Variants in LMBRD1 observed in about 807,000 individuals in gnomAD.
The protein encoded by LMBRD1 is lysosomal cobalamin transport escort protein LMBD1.
A neutral mutation model predicts 74.8 loss-of-function variants in LMBRD1; 64 were observed. The ratio of observed to expected loss-of-function variants is 0.86; its 90% CI spans 0.70 to 1.05. The LOEUF (loss-of-function observed/expected upper bound fraction) is 1.05, where lower values mean the gene tolerates loss of function less well. Among genes scored for constraint, LMBRD1 ranks in the 50% least tolerant of loss-of-function variants. LMBRD1 has a pLI of 0.00. For synonymous variants in LMBRD1, 204 were observed against 216.3 expected (o/e 0.94, Z 0.50); for missense variants, 652 against 645.9 (o/e 1.01, Z -0.10).
At chr6:69,780,877 A>G (rs1241532646) in intron 2 of LMBRD1, among the ~76,000 whole-genome samples, 3 of 152,196 alleles carry the variant, frequency 2.0e-5, no homozygotes, top group African/African-American at 7.2e-5. Context: ...GTAGGAAGGA[A>G]AGAGGGAGTA....
In LMBRD1 at chr6:69,697,325, T is replaced by C. The variant is rs1318923761; in HGVS notation, c.1417+238A>G. 2.6e-5 allele frequency among the ~76,000 whole-genome samples: 4 copies of C among 151,936 alleles called. No individual in the cohort carries two copies. In the East Asian group the frequency reaches 7.7e-4, roughly 29 times the overall value. The stretch of plus-strand genomic sequence containing the variant: ...AGTGATTTCTTATTATACTAGTAAA[T>C]GTGATAAATAAATAAAATAAATAAA... On this transcript the variant is annotated intron_variant, in intron 14 of 15. Coordinates refer to ENST00000649934, the MANE Select transcript of LMBRD1 (RefSeq NM_018368.4).
intron 2 of LMBRD1, among the ~76,000 whole-genome samples, chr6:69,782,033 T>G (rs1195594135): frequency 6.6e-6 from 1 of 152,226 alleles, no homozygotes; most frequent in Non-Finnish European, 1.5e-5. Context: ...TTCACCTACC[T>G]ATTGGCAAAA....
chr6:69,778,819 C>T (rs940073056), intron 3 of LMBRD1, among the ~76,000 whole-genome samples: 1 of 151,530 alleles, frequency 6.6e-6, no homozygotes, highest in Non-Finnish European at 1.5e-5. Context: ...TAAAATCTAC[C>T]CGAAAGAAAT....
intron 14 of LMBRD1, among the ~76,000 whole-genome samples, chr6:69,682,701 CT>C (rs1765689105): frequency 6.6e-6 from 1 of 151,946 alleles, no homozygotes. Flanking sequence ...ATTACTTTAA[CT>C]TTTGATAAAA....
At chr6:69,686,678 C>G (rs1383054603) in intron 14 of LMBRD1, among the ~76,000 whole-genome samples, 1 of 152,148 alleles carries the variant, frequency 6.6e-6, no homozygotes, top group Non-Finnish European at 1.5e-5. Flanking sequence ...CAAAATATAT[C>G]CAGATCCTGA....
intron 5 of LMBRD1, chr6:69,746,182 T>C (rs1767225131): frequency 6.5e-6 from 1 of 153,888 alleles, no homozygotes; most frequent in Admixed American, 6.5e-5. Context: ...TTCACTACCA[T>C]GAAGAAGGCT....
chr6:69,745,116 G>C (rs1562109252), intron 5 of LMBRD1, among the ~76,000 whole-genome samples: 1 of 151,162 alleles, frequency 6.6e-6, no homozygotes, highest in Non-Finnish European at 1.5e-5. Flanking sequence ...TTACAGGCGG[G>C]AGCCACCATG....
chr6:69,699,282 C>T (rs1766076282), intron 12 of LMBRD1, 90 bp from the exon 13 acceptor site: 1 of 1,112,702 alleles, frequency 9.0e-7, no homozygotes, highest in Non-Finnish European at 1.3e-6. Context: ...ATGATTTACA[C>T]AGTTCAATCA....
chr6:69,731,672 C>T (rs972282275), intron 7 of LMBRD1, among the ~76,000 whole-genome samples: 12 of 152,058 alleles, frequency 7.9e-5, no homozygotes, highest in Non-Finnish European at 1.8e-4. Context: ...TTAAGATAAG[C>T]TAAACTAAGC....
At chr6:69,796,752 G>T (rs1582175892) in intron 1 of LMBRD1, 61 bp downstream of exon 1, 8 of 1,526,358 alleles carry the variant, frequency 5.2e-6, no homozygotes, top group Admixed American at 3.5e-5. Context: ...CAACTGCAGG[G>T]CCTGCCCCTC....
At chr6:69,733,393 T>TA (rs1342834046) in intron 7 of LMBRD1, among the ~76,000 whole-genome samples, 3 of 152,222 alleles carry the variant, frequency 2.0e-5, no homozygotes, top group African/African-American at 7.2e-5. Flanking sequence ...GCAAATATGA[T>TA]AATTATACTA....
At chr6:69,738,059 T>C in intron 6 of LMBRD1, 44 bp from the exon 7 acceptor site, 3 of 1,355,504 alleles carry the variant, frequency 2.2e-6, no homozygotes, top group Non-Finnish European at 3.1e-6. Context: ...TATATACTAC[T>C]CAAATCCTTA....
chr6:69,774,959 A>G (rs559868367), intron 3 of LMBRD1, among the ~76,000 whole-genome samples: 1 of 31,806 alleles, frequency 3.1e-5, no homozygotes, highest in African/African-American at 1.3e-4. Context: ...GGAAGGAAGG[A>G]AGGAAGGAAG....
intron 9 of LMBRD1, among the ~76,000 whole-genome samples, chr6:69,703,027 TG>T (rs1766167045): frequency 6.6e-6 from 1 of 152,042 alleles, no homozygotes; most frequent in African/African-American, 2.4e-5. Flanking sequence ...TGGGGCTCAC[TG>T]GGAAGGAGAG....
chr6:69,735,785 C>T (rs1284732615), intron 7 of LMBRD1, among the ~76,000 whole-genome samples: 2 of 152,124 alleles, frequency 1.3e-5, no homozygotes, highest in Non-Finnish European at 2.9e-5. Flanking sequence ...CTTCCAGGGG[C>T]TTCAAAACTC....
chr6:69,713,421 A>G (rs1175055305), intron 9 of LMBRD1, among the ~76,000 whole-genome samples: 1 of 152,132 alleles, frequency 6.6e-6, no homozygotes, highest in Non-Finnish European at 1.5e-5. Context: ...ACTTATCTAT[A>G]TTTTTATTTT....
chr6:69,688,387 G>A (rs1765809200), intron 14 of LMBRD1, among the ~76,000 whole-genome samples: 1 of 146,496 alleles, frequency 6.8e-6, no homozygotes, highest in African/African-American at 2.5e-5. Context: ...ACAGGCCAAA[G>A]TTTGAAGGGC....
intron 7 of LMBRD1, among the ~76,000 whole-genome samples, chr6:69,735,304 C>A (rs956856744): frequency 6.6e-6 from 1 of 152,084 alleles, no homozygotes; most frequent in Non-Finnish European, 1.5e-5. Context: ...TCACCTAATA[C>A]GCACATCTTG....
At chr6:69,707,759 G>A (rs905127467) in intron 9 of LMBRD1, among the ~76,000 whole-genome samples, 1 of 152,024 alleles carries the variant, frequency 6.6e-6, no homozygotes, top group Non-Finnish European at 1.5e-5. Context: ...TATATTTCCT[G>A]TGTTCTTTAC....
Sources: gnomAD v4.1 joint callset for allele counts (sites outside exome capture counted in the v4.1 genomes callset) on GRCh38, gnomAD v4.1.1 for gene constraint, MANE v1.5 for transcripts, NCBI Gene and HGNC (gene_info 2026-07-23, HGNC 2026-07-21) for gene names.